The following FNDC3B variants were observed in gnomAD, a reference collection of about 807,000 sequenced individuals.
FNDC3B encodes fibronectin type III domain containing 3B, also known as fibronectin type III domain-containing protein 3B.
Under a neutral mutation model 151.5 loss-of-function variants are expected in FNDC3B, and 12 were observed. The observed-to-expected ratio is 0.08, with a 90% CI of 0.05 to 0.13. The LOEUF is 0.13. Ranked by LOEUF, FNDC3B falls within the 10% of genes least tolerant of loss-of-function variation. FNDC3B has a pLI of 1.00. For missense variants in FNDC3B, 1,214 were observed against 1,505.3 expected, an observed-to-expected ratio of 0.81 and a Z score of 3.20; for synonymous variants, 528 against 549.0, an observed-to-expected ratio of 0.96 and a Z score of 0.54.
intron 7 of FNDC3B, 104 bp downstream of exon 7, chr3:172,286,088 C>T (rs1020415234): frequency 1.3e-6 from 1 of 783,184 alleles, no homozygotes. Flanking sequence ...AGGGCTCTTT[C>T]CCTTTGCAGA....
At chr3:172,222,651 C>T (rs1252446212) in intron 3 of FNDC3B, among the ~76,000 whole-genome samples, 1 of 152,148 alleles carries the variant, frequency 6.6e-6, no homozygotes, top group Non-Finnish European at 1.5e-5. Flanking sequence ...GATCCCTCTT[C>T]ACGATAGGGT....
chr3:172,084,920 A>G (rs1576847900), intron 1 of FNDC3B, among the ~76,000 whole-genome samples: 1 of 152,354 alleles, frequency 6.6e-6, no homozygotes, highest in Middle Eastern at 3.4e-3. Flanking sequence ...CTTAATGAGA[A>G]CAAGAATTTT....
intron 1 of FNDC3B, among the ~76,000 whole-genome samples, chr3:172,065,129 C>T (rs749659680): frequency 2.6e-5 from 4 of 152,052 alleles, no homozygotes; most frequent in Admixed American, 6.6e-5. Flanking sequence ...GTCAGGAGTT[C>T]GAGACCAGCC....
At chr3:172,077,150 G>GT (rs1384236681) in intron 1 of FNDC3B, among the ~76,000 whole-genome samples, 1 of 151,258 alleles carries the variant, frequency 6.6e-6, no homozygotes, top group African/African-American at 2.4e-5. Flanking sequence ...GAATAAATTG[G>GT]TTAAAAAAAA....
At chr3:172,354,999 A>G (rs1734024775) in intron 22 of FNDC3B, among the ~76,000 whole-genome samples, 1 of 151,954 alleles carries the variant, frequency 6.6e-6, no homozygotes, top group African/African-American at 2.4e-5. Context: ...AGCTTCTTCA[A>G]TGGATCGGTC....
intron 4 of FNDC3B, among the ~76,000 whole-genome samples, chr3:172,232,180 C>T (rs1008398762): frequency 2.6e-5 from 4 of 152,060 alleles, no homozygotes; most frequent in African/African-American, 4.8e-5. Context: ...CACACCCTGC[C>T]AGTATGGTCT....
intron 4 of FNDC3B, among the ~76,000 whole-genome samples, chr3:172,244,617 CTTTTTTTTTTTT>C (rs11294678): frequency 2.7e-5 from 2 of 73,064 alleles, no homozygotes; most frequent in East Asian, 4.3e-4. Context: ...AATATTTCAC[CTTTTTTTTTTTT>C]TTTTTTTTTT....
chr3:172,130,689 T>G (rs1270497662), intron 2 of FNDC3B, among the ~76,000 whole-genome samples: 2 of 152,188 alleles, frequency 1.3e-5, no homozygotes, highest in Non-Finnish European at 2.9e-5. Flanking sequence ...AATTCAGAAA[T>G]CCGTTTTCTT....
At chr3:172,173,729 G>A (rs1211370133) in intron 3 of FNDC3B, among the ~76,000 whole-genome samples, 2 of 151,876 alleles carry the variant, frequency 1.3e-5, no homozygotes, top group Non-Finnish European at 2.9e-5. Context: ...GCTGAGGTGG[G>A]AGGATCTCTT....
At chr3:172,343,860 T>C (rs1320130292) in intron 18 of FNDC3B, among the ~76,000 whole-genome samples, 1 of 152,224 alleles carries the variant, frequency 6.6e-6, no homozygotes. Flanking sequence ...ATTTTATCAA[T>C]GTAATTAAAT....
At chr3:172,330,502 C>T in intron 12 of FNDC3B, 39 bp from the exon 13 acceptor site, 2 of 1,558,108 alleles carry the variant, frequency 1.3e-6, no homozygotes, top group Non-Finnish European at 1.8e-6. Context: ...AGCCTCTTCA[C>T]ATGCTTCTAA....
intron 19 of FNDC3B, 30 bp from the exon 20 acceptor site, chr3:172,346,297 A>G: frequency 7.7e-7 from 1 of 1,306,802 alleles, no homozygotes; most frequent in Non-Finnish European, 1.1e-6. Flanking sequence ...GCATATATAC[A>G]TACGTGTGTG....
At chr3:172,146,977 A>G (rs1286774845) in intron 3 of FNDC3B, among the ~76,000 whole-genome samples, 2 of 152,138 alleles carry the variant, frequency 1.3e-5, no homozygotes, top group East Asian at 1.9e-4. Flanking sequence ...GTTGATTGGA[A>G]CAGGTATGAT....
intron 3 of FNDC3B, among the ~76,000 whole-genome samples, chr3:172,173,457 G>T (rs958512033): frequency 2.0e-5 from 3 of 151,940 alleles, no homozygotes; most frequent in African/African-American, 7.3e-5. Context: ...AGAAGACAAC[G>T]TGTAATTTTT....
At chr3:172,351,137 T>A (rs777500714) in intron 21 of FNDC3B, among the ~76,000 whole-genome samples, 3 of 152,106 alleles carry the variant, frequency 2.0e-5, no homozygotes, top group Non-Finnish European at 4.4e-5. Flanking sequence ...ATGTCAGTGA[T>A]AAGTGTCATG....
At chr3:172,349,764 T>A (rs1733771820) in intron 21 of FNDC3B, among the ~76,000 whole-genome samples, 1 of 152,172 alleles carries the variant, frequency 6.6e-6, no homozygotes, top group Non-Finnish European at 1.5e-5. Context: ...CAAGCGATTC[T>A]CCTGTCTCAG....
intron 3 of FNDC3B, among the ~76,000 whole-genome samples, chr3:172,184,669 C>T (rs944074439): frequency 2.0e-5 from 3 of 152,108 alleles, no homozygotes; most frequent in African/African-American, 7.2e-5. Context: ...CCAGGAGGGA[C>T]ATGTGAAGGA....
At chr3:172,101,293 A>T (rs1013556209) in intron 1 of FNDC3B, among the ~76,000 whole-genome samples, 1 of 152,258 alleles carries the variant, frequency 6.6e-6, no homozygotes, top group Non-Finnish European at 1.5e-5. Context: ...AAGGTTTCGT[A>T]GAGCATGGAG....
chr3:172,325,045 A>G (rs552123404), intron 11 of FNDC3B, among the ~76,000 whole-genome samples: 16 of 152,308 alleles, frequency 1.1e-4, no homozygotes, highest in African/African-American at 3.6e-4. Context: ...GTGACACACC[A>G]CAAGTGGCCT....
Sources: allele counts gnomAD v4.1 joint callset (sites outside exome capture counted in the v4.1 genomes callset), GRCh38; gene constraint gnomAD v4.1.1; transcripts MANE v1.5; gene names NCBI Gene and HGNC (gene_info 2026-07-23, HGNC 2026-07-21).